GREB1: variants seen among roughly 807,000 people sequenced by gnomAD.
The protein encoded by GREB1 is protein GREB1.
In GREB1, 106 loss-of-function variants were observed where a neutral mutation model predicts 200.7. The observed-to-expected ratio is 0.53, with a 90% CI of 0.45 to 0.62. The LOEUF (loss-of-function observed/expected upper bound fraction) is 0.62. GREB1 is among the 20% of genes least tolerant of loss of function. GREB1 has a pLI of 0.00. For synonymous variants in GREB1, 1,132 were observed against 1,092.4 expected (o/e 1.04, Z -0.72); for missense variants, 2,243 against 2,556.8 (o/e 0.88, Z 2.65).
chr2:11,518,296 G>A lies in GREB1; in HGVS notation c.-159+35915G>A, dbSNP rs146880370. ...AAAGTTGAACACATTAAAAAAATTC[G>A]TGTATAGGAGAAAGTAGTCATGCTC... is the stretch of plus-strand genomic sequence containing the variant. On this transcript the variant is annotated intron_variant, in intron 1 of 2. Coordinates refer to the GREB1 transcript ENST00000628795. Among the ~76,000 whole-genome samples, 192 of 152,256 alleles carry A rather than the reference G, an allele frequency of 1.3e-3. 3 individuals carry two copies. The South Asian group carries it at 0.021, about 16-fold the overall frequency.
chr2:11,546,589 A>C (rs1262445509), intron 1 of GREB1, among the ~76,000 whole-genome samples: 2 of 152,206 alleles, frequency 1.3e-5, no homozygotes, highest in East Asian at 3.8e-4. Flanking sequence ...CTTGGAATAC[A>C]ATGTTGTAAC....
At chr2:11,587,500 T>G in intron 9 of GREB1, 1 of 1,597,474 alleles carries the variant, frequency 6.3e-7, no homozygotes, top group Non-Finnish European at 8.5e-7. Context: ...CAGGCCCCAC[T>G]TCTGCATCAG....
chr2:11,637,597 A>G lies in GREB1; in HGVS notation c.5347-119A>G, dbSNP rs1183638669. 1.4e-5 allele frequency: 10 copies of G among 729,952 alleles called. No individual in the cohort carries two copies. In the East Asian group the frequency reaches 2.6e-4, roughly 19 times the overall value. 45.2% of individuals were successfully genotyped at this position (729,952 alleles called of 1,614,324 possible). On this transcript the variant is annotated intron_variant, in intron 30 of 32. Transcript: ENST00000381486. ...GTTTATTCTTGAAGTATGTGTTCTC[A>G]GTTCATTCCCCTGAGTGACACAAGC...
At position 11,589,276 on chromosome 2, in the gene GREB1, G is replaced by A. The variant is rs568227438; in HGVS notation, c.1345+345G>A. 1.2e-4 allele frequency among the ~76,000 whole-genome samples: 19 copies of A among 152,310 alleles called. 2 individuals carry two copies. The South Asian group carries it at 3.7e-3, about 30-fold the overall frequency. ...AGTGGAAAACAGGCAGGTAAAGATG[G>A]GTGCATGCATTAGTGTGTGTTTGTA... is the stretch of plus-strand genomic sequence containing the variant. On this transcript the variant is annotated intron_variant, in intron 10 of 32. Coordinates refer to ENST00000381486, the MANE Select transcript of GREB1 (RefSeq NM_014668.4).
intron 1 of GREB1, among the ~76,000 whole-genome samples, chr2:11,545,605 T>C (rs12624009): frequency 0.52 from 79,464 of 152,148 alleles, 23,080 homozygotes; most frequent in South Asian, 0.76. Flanking sequence ...GATTAATCTT[T>C]CCAATGAATC....
intron 17 of GREB1, among the ~76,000 whole-genome samples, chr2:11,608,883 T>G (rs974305709): frequency 1.1e-4 from 17 of 152,242 alleles, no homozygotes; most frequent in African/African-American, 3.9e-4. Flanking sequence ...TTTGGTACTT[T>G]GCCCTGTGAT....
chr2:11,505,354 G>A (rs776144189), intron 1 of GREB1, among the ~76,000 whole-genome samples: 1 of 152,012 alleles, frequency 6.6e-6, no homozygotes, highest in Non-Finnish European at 1.5e-5. Context: ...GCATGCTCTT[G>A]GGGTGGAGAG....
At chr2:11,628,715 C>A (rs1476352808) in intron 25 of GREB1, among the ~76,000 whole-genome samples, 1 of 152,202 alleles carries the variant, frequency 6.6e-6, no homozygotes, top group Non-Finnish European at 1.5e-5. Context: ...GGGTGTCAGT[C>A]CCTACTCATC....
intron 29 of GREB1, 100 bp downstream of exon 29, chr2:11,634,449 A>AAGGCCAGGTCAGTG: frequency 1.2e-6 from 1 of 851,564 alleles, no homozygotes; most frequent in Non-Finnish European, 1.9e-6. Context: ...GGCTGTGAGC[A>AAGGCCAGGTCAGTG]CTGACCTGGC....
intron 9 of GREB1, 176 bp from the exon 10 acceptor site, chr2:11,588,570 C>A: frequency 1.4e-6 from 1 of 691,138 alleles, no homozygotes; most frequent in Non-Finnish European, 2.7e-6. Context: ...TCATCCTAGG[C>A]TCCAGGAGGG....
intron 1 of GREB1, among the ~76,000 whole-genome samples, chr2:11,487,570 C>T (rs1672683595): frequency 6.6e-6 from 1 of 152,282 alleles, no homozygotes; most frequent in Non-Finnish European, 1.5e-5. Flanking sequence ...AGACTGAGCC[C>T]TTCAGAAATG....
chr2:11,552,363 C>T (rs1359308307), intron 1 of GREB1, among the ~76,000 whole-genome samples: 3 of 152,180 alleles, frequency 2.0e-5, no homozygotes, highest in Non-Finnish European at 4.4e-5. Context: ...AAAGAGACCA[C>T]GGACAGAGAA....
intron 1 of GREB1, among the ~76,000 whole-genome samples, chr2:11,507,804 T>C (rs1673226470): frequency 6.6e-6 from 1 of 152,194 alleles, no homozygotes. Context: ...CATGGAGTCC[T>C]GAGACCACAG....
At chr2:11,485,496 A>G (rs1672636106) in intron 1 of GREB1, among the ~76,000 whole-genome samples, 1 of 150,550 alleles carries the variant, frequency 6.6e-6, no homozygotes, top group Admixed American at 6.6e-5. Context: ...CTGGTCTTGT[A>G]CTCCTGGCCT....
chr2:11,571,304 G>A (rs1678261732), intron 4 of GREB1, among the ~76,000 whole-genome samples: 1 of 152,156 alleles, frequency 6.6e-6, no homozygotes, highest in South Asian at 2.1e-4. Flanking sequence ...AAGGAACATA[G>A]AGTTGCTGTT....
chr2:11,641,587 A>ATG lies in GREB1; in HGVS notation c.*1133_*1134insTG. On this transcript the variant is annotated 3_prime_UTR_variant, in exon 33 of 33. Coordinates refer to ENST00000381486, the MANE Select transcript of GREB1 (RefSeq NM_014668.4). ...TGCAAGCTCCGCCTCCCGGGTTCTC[A>ATG]CCATTCTCCTGCCTCAGCCTCCCGA... 6.6e-6 allele frequency: 1 copy of ATG among 151,868 alleles called. No homozygotes were observed. Among genetic ancestry groups the ATG allele is most frequent in the Admixed American group, 6.6e-5 (1 of 15,238 alleles). The allele number at this position is 151,868 out of a possible 1,614,324, so 9.4% of individuals were successfully genotyped here. A position where few individuals can be genotyped will look rare whatever the true frequency, so the allele number is the denominator to read the frequency against.
chr2:11,545,975 C>A (rs1675237477), intron 1 of GREB1, among the ~76,000 whole-genome samples: 2 of 152,084 alleles, frequency 1.3e-5, no homozygotes, highest in Admixed American at 1.3e-4. Flanking sequence ...GTCGGGAGTT[C>A]AAGACCAGCC....
intron 1 of GREB1, among the ~76,000 whole-genome samples, chr2:11,508,873 C>CTCTTTTTTTTTTTTT (rs1553341299): frequency 2.1e-5 from 3 of 139,566 alleles, no homozygotes; most frequent in African/African-American, 8.3e-5. Context: ...TTCTTTCTCT[C>CTCTTTTTTTTTTTTT]TTTTTTTTTT....
intron 1 of GREB1, among the ~76,000 whole-genome samples, chr2:11,522,932 C>T (rs1168204490): frequency 6.6e-6 from 1 of 152,204 alleles, no homozygotes; most frequent in Non-Finnish European, 1.5e-5. Flanking sequence ...ATATCATCTT[C>T]TTGCAGCACT....
Sources: gnomAD v4.1 joint callset for allele counts (sites outside exome capture counted in the v4.1 genomes callset) on GRCh38, gnomAD v4.1.1 for gene constraint, MANE v1.5 for transcripts, NCBI Gene and HGNC (gene_info 2026-07-23, HGNC 2026-07-21) for gene names.